Variants in SNRPA observed in about 807,000 individuals in gnomAD.
SNRPA encodes the protein U1 small nuclear ribonucleoprotein A.
Under a neutral mutation model 24.5 loss-of-function variants are expected in SNRPA, and 10 were observed. The ratio of observed to expected loss-of-function variants is 0.41; its 90% CI spans 0.25 to 0.69. The LOEUF is 0.69. Among genes scored for constraint, SNRPA ranks in the 30% least tolerant of loss-of-function variants. The pLI, the probability that SNRPA is intolerant of heterozygous loss-of-function variation, is 0.33. For missense variants in SNRPA, 283 were observed against 394.7 expected (o/e 0.72, Z 2.40); for synonymous variants, 165 against 148.4 (o/e 1.11, Z -0.81).
rs1378428150 is a variant in SNRPA, at chr19:40,751,232, C to A, written c.-177C>A. On this transcript the variant is annotated 5_prime_UTR_variant, in exon 1 of 6. Coordinates refer to ENST00000243563, the MANE Select transcript of SNRPA (RefSeq NM_004596.5). Reference sequence around the variant, plus strand: ...CCGCACGCGGGCTGGAGAAGCGGGTCCTACGCACGCTTTGTTGTCGCGCTT... The same window carrying A: ...CCGCACGCGGGCTGGAGAAGCGGGTACTACGCACGCTTTGTTGTCGCGCTT... 4.7e-6 allele frequency: 3 copies of A among 644,412 alleles called. No homozygotes were observed. Among genetic ancestry groups the A allele is most frequent in the Non-Finnish European group, 8.5e-6 (3 of 353,026 alleles). The allele number at this position is 644,412 out of a possible 1,614,324, so 39.9% of individuals were successfully genotyped here.
chr19:40,763,003 C>T lies in SNRPA; in HGVS notation c.529C>T (p.Pro177Ser), dbSNP rs1309198909. ...TATGATCCCCCCGCCAGGCCTTGCACCTGGCCAGATCCCACCAGGGGCCAT... is the reference window on the plus strand; with the variant it reads ...TATGATCCCCCCGCCAGGCCTTGCATCTGGCCAGATCCCACCAGGGGCCAT... ...PGMIPPPGLA[P>S]GQIPPGAMPP... The change falls in exon 4 of 6, where the codon CCT (proline) becomes TCT (serine). Residue 177 changes from proline (P) to serine (S), a missense_variant. Coordinates refer to ENST00000243563, the MANE Select transcript of SNRPA (RefSeq NM_004596.5). 5.6e-6 allele frequency: 9 copies of T among 1,611,838 alleles called. No individual in the cohort carries two copies. The Admixed American group carries it at 1.5e-4, about 27-fold the overall frequency.
At chr19:40,754,026 T>C (rs2607417) in intron 1 of SNRPA, among the ~76,000 whole-genome samples, 1,868 of 151,010 alleles carry the variant, frequency 0.012, 35 homozygotes, top group African/African-American at 0.043. Context: ...TGGTGTTGAT[T>C]TCCTGACCTC....
At chr19:40,762,374 G>T (rs372594825) in intron 3 of SNRPA, among the ~76,000 whole-genome samples, 34 of 151,850 alleles carry the variant, frequency 2.2e-4, no homozygotes, top group African/African-American at 8.2e-4. Flanking sequence ...CCACCACCAC[G>T]CCTGGCTAAT....
At position 40,765,029 on chromosome 19, in the gene SNRPA, C is replaced by T. The variant is rs747007224; in HGVS notation, c.711C>T (p.Val237=). The part of the protein sequence containing the change: ...LFNQFPGFKE[V]RLVPGRHDIA... The stretch of plus-strand genomic sequence containing the variant: ...TCAGGTTCCCTGGCTTCAAGGAGGT[C>T]CGTCTGGTACCCGGGCGGCATGACA... The change falls in exon 6 of 6, where the codon GTC becomes GTT. Residue 237 remains valine (V), a synonymous_variant. Transcript: ENST00000243563. 1 of 1,580,132 alleles carries T rather than the reference C, an allele frequency of 6.3e-7. No homozygotes were observed. Among genetic ancestry groups the T allele is most frequent in the East Asian group, 2.4e-5 (1 of 42,320 alleles).
Position 40,765,101 on chromosome 19 carries a change from C to T in SNRPA, c.783C>T (p.Arg261=), listed in dbSNP as rs756833065. The T allele has an allele frequency of 2.6e-5, 42 of 1,587,196 alleles. No individual in the cohort carries two copies. The highest frequency in any genetic ancestry group is 3.4e-5 in the South Asian group (3 of 87,194). ...ATGAGGTACAGGCAGGGGCAGCTCG[C>T]GATGCCCTGCAGGGCTTTAAGATCA... The part of the protein sequence containing the change: ...FDNEVQAGAA[R]DALQGFKITQ... Residue 261 remains arginine, a synonymous_variant, in exon 6 of 6, where the codon CGC becomes CGT. Coordinates refer to ENST00000243563, the MANE Select transcript of SNRPA (RefSeq NM_004596.5).
rs372105982 is a variant in SNRPA, at chr19:40,765,389, A to G, written c.*222A>G. ...GCTTTTTGAGGTTTGGTTTTTCACA[A>G]TCATTTGTCTGTCTGATTTTCTTGC... On this transcript the variant is annotated 3_prime_UTR_variant, in exon 6 of 6. Transcript: ENST00000243563. 1.4e-3 allele frequency: 446 copies of G among 329,538 alleles called. 9 individuals carry two copies. The South Asian group carries it at 0.049, about 36-fold the overall frequency. The allele number at this position is 329,538 out of a possible 1,614,324, so 20.4% of individuals were successfully genotyped here.
At position 40,761,631 on chromosome 19, in the gene SNRPA, T is replaced by A. The variant is rs559084643; in HGVS notation, c.427-1270T>A. Among the ~76,000 whole-genome samples the A allele has an allele frequency of 6.6e-5, 10 of 151,856 alleles. No homozygotes were observed. In the East Asian group the frequency reaches 1.9e-3, roughly 29 times the overall value. ...ACAGGCATGTGCCACCACACCCAGC[T>A]AATTTTTGTATTTTTAGTAGAGATG... is the stretch of plus-strand genomic sequence containing the variant. On this transcript the variant is annotated intron_variant, in intron 3 of 5. Coordinates refer to ENST00000243563, the MANE Select transcript of SNRPA (RefSeq NM_004596.5).
At chr19:40,751,655 TCTGCC>T (rs756552143) in intron 1 of SNRPA, 174 bp downstream of exon 1, 1 of 614,524 alleles carries the variant, frequency 1.6e-6, no homozygotes, top group Non-Finnish European at 3.0e-6. Flanking sequence ...CATCTTACAC[TCTGCC>T]CTTTAACGTG....
chr19:40,753,499 C>T (rs943372394), intron 1 of SNRPA, among the ~76,000 whole-genome samples: 3 of 128,936 alleles, frequency 2.3e-5, no homozygotes, highest in Non-Finnish European at 3.1e-5. Context: ...CAGGTTCAAG[C>T]GATTCTCCTG....
chr19:40,764,036 A>G (rs2082944359), intron 5 of SNRPA, among the ~76,000 whole-genome samples: 1 of 152,256 alleles, frequency 6.6e-6, no homozygotes, highest in Admixed American at 6.5e-5. Flanking sequence ...TAAGACTGGC[A>G]GAAGTCAGCG....
In SNRPA at chr19:40,757,451, G is replaced by T; in HGVS notation, c.193G>T (p.Ala65Ser). The T allele has an allele frequency of 6.2e-7, 1 of 1,614,030 alleles. No individual in the cohort carries two copies. Among genetic ancestry groups the T allele is most frequent in the African/African-American group, 1.3e-5 (1 of 75,002 alleles). Reference protein sequence around the residue: ...AFVIFKEVSSATNALRSMQGF... With the variant: ...AFVIFKEVSSSTNALRSMQGF... ...TGTCATCTTCAAGGAGGTCAGCAGC[G>T]CCACCAACGCCCTGCGCTCCATGCA... The change falls in exon 2 of 6, where the codon GCC (alanine) becomes TCC (serine). Residue 65 changes from alanine to serine, a missense_variant. Physicochemically the swap from Ala to Ser is moderately conservative, Grantham distance 99. Around this residue, in one of 6 missense-constraint regions of SNRPA, gnomAD observed 12 missense variants for 45.6 expected, o/e 0.26. Transcript: ENST00000243563.
chr19:40,756,005 C>T (rs1157798750), intron 1 of SNRPA, among the ~76,000 whole-genome samples: 1 of 152,118 alleles, frequency 6.6e-6, no homozygotes, highest in Non-Finnish European at 1.5e-5. Flanking sequence ...GGTGCGATGA[C>T]TCATGCCTGT....
intron 1 of SNRPA, among the ~76,000 whole-genome samples, chr19:40,753,114 G>A (rs1031761819): frequency 2.6e-5 from 4 of 152,128 alleles, no homozygotes; most frequent in African/African-American, 9.7e-5. Flanking sequence ...CAGCACTTTG[G>A]GAGGCTGAGG....
rs1022305745 is a variant in SNRPA at position 40,762,842 on chromosome 19, G to A, written c.427-59G>A. 1.5e-5 allele frequency: 24 copies of A among 1,556,990 alleles called. 1 individual carries two copies. In the South Asian group the frequency reaches 2.3e-4, roughly 15 times the overall value. ...CTCACCCGCTAGGTTTCCTTTCATG[G>A]CCTCTTCTCTGCCTCCTGGGGCTGC... On this transcript the variant is annotated intron_variant, in intron 3 of 5. Transcript: ENST00000243563.
intron 3 of SNRPA, 76 bp from the exon 4 acceptor site, chr19:40,762,825 C>T: frequency 6.7e-7 from 1 of 1,484,630 alleles, no homozygotes; most frequent in African/African-American, 1.4e-5. Flanking sequence ...CTCTCACCCG[C>T]TAGGTTTCCT....
intron 5 of SNRPA, among the ~76,000 whole-genome samples, chr19:40,764,659 T>A (rs936286152): frequency 5.9e-5 from 9 of 152,142 alleles, no homozygotes; most frequent in African/African-American, 2.2e-4. Context: ...AAACCCCTTC[T>A]CTCCTAAAAA....
chr19:40,751,381 T>A lies in SNRPA; in HGVS notation c.-28T>A. Reference sequence around the variant, plus strand: ...AGGGCTAAAGTCACGTTTTTCCTCCTTTAAGACTTACCTCAACACTTCACT... The same window carrying A: ...AGGGCTAAAGTCACGTTTTTCCTCCATTAAGACTTACCTCAACACTTCACT... On this transcript the variant is annotated 5_prime_UTR_variant, in exon 1 of 6. Transcript: ENST00000243563. 1 of 1,584,938 alleles carries A rather than the reference T, an allele frequency of 6.3e-7. No individual in the cohort carries two copies. The highest frequency in any genetic ancestry group is 8.7e-7 in the Non-Finnish European group (1 of 1,153,488).
chr19:40,760,140 A>T (rs1175387912), intron 3 of SNRPA, among the ~76,000 whole-genome samples: 2 of 152,104 alleles, frequency 1.3e-5, no homozygotes, highest in Non-Finnish European at 2.9e-5. Context: ...GATACGCCTC[A>T]GCCTCCCTAG....
chr19:40,752,269 G>A (rs1330286172), intron 1 of SNRPA, among the ~76,000 whole-genome samples: 1 of 151,326 alleles, frequency 6.6e-6, no homozygotes, highest in Non-Finnish European at 1.5e-5. Context: ...CCCAGGAGAC[G>A]GAGGTTGCAG....
Sources: gnomAD v4.1 joint callset for allele counts (sites outside exome capture counted in the v4.1 genomes callset) on GRCh38, gnomAD v4.1.1 for gene constraint, gnomAD v4.1.1 regional missense constraint, MANE v1.5 for transcripts, NCBI Gene and HGNC (gene_info 2026-07-23, HGNC 2026-07-21) for gene names.